The following PIP4K2A variants were observed in gnomAD, a reference collection of about 807,000 sequenced individuals.
The protein encoded by PIP4K2A is phosphatidylinositol 5-phosphate 4-kinase type-2 alpha.
Under a neutral mutation model 42.9 loss-of-function variants are expected in PIP4K2A, and 14 were observed. The observed-to-expected ratio is 0.33, with a 90% CI of 0.22 to 0.51. The LOEUF is 0.51. Among genes scored for constraint, PIP4K2A ranks in the 20% least tolerant of loss-of-function variants. PIP4K2A has a pLI of 0.97. For synonymous variants in PIP4K2A, 192 were observed against 192.2 expected (o/e 1.00, Z 0.01); for missense variants, 434 against 519.8 (o/e 0.83, Z 1.61).
At chr10:22,691,524 C>T (rs1564469099) in intron 1 of PIP4K2A, 1 of 152,100 alleles carries the variant, frequency 6.6e-6, no homozygotes. Flanking sequence ...AAATTTTATT[C>T]CTTACTTTTT....
intron 1 of PIP4K2A, among the ~76,000 whole-genome samples, chr10:22,631,370 A>G (rs1258847301): frequency 6.6e-6 from 1 of 152,064 alleles, no homozygotes; most frequent in Non-Finnish European, 1.5e-5. Context: ...TGTCCTTTTA[A>G]GTACAGACAC....
intron 1 of PIP4K2A, among the ~76,000 whole-genome samples, chr10:22,664,064 T>TATATATATATATACATATGTATATATAC (rs1564459754): frequency 1.3e-5 from 1 of 77,802 alleles, no homozygotes; most frequent in Admixed American, 1.3e-4. Flanking sequence ...TATATATACA[T>TATATATATATATACATATGTATATATAC]ATATATATAT....
At chr10:22,594,371 C>T (rs1249563897) in intron 3 of PIP4K2A, among the ~76,000 whole-genome samples, 4 of 152,130 alleles carry the variant, frequency 2.6e-5, no homozygotes, top group African/African-American at 7.2e-5. Context: ...ATACTATGTA[C>T]CAGTACCAGG....
intron 1 of PIP4K2A, among the ~76,000 whole-genome samples, chr10:22,666,829 T>C (rs1344690328): frequency 6.6e-6 from 1 of 152,202 alleles, no homozygotes; most frequent in African/African-American, 2.4e-5. Flanking sequence ...AGAAAGTTTT[T>C]AATAGTCCTA....
intron 1 of PIP4K2A, among the ~76,000 whole-genome samples, chr10:22,652,536 T>A (rs1312616133): frequency 6.6e-6 from 1 of 152,206 alleles, no homozygotes; most frequent in Non-Finnish European, 1.5e-5. Context: ...ACTGTAGTTA[T>A]AATAAATCTA....
At chr10:22,595,534 A>C (rs1280892275) in intron 3 of PIP4K2A, among the ~76,000 whole-genome samples, 1 of 152,156 alleles carries the variant, frequency 6.6e-6, no homozygotes, top group Non-Finnish European at 1.5e-5. Flanking sequence ...AGGTGGGCGG[A>C]TCACTTGAGG....
intron 1 of PIP4K2A, among the ~76,000 whole-genome samples, chr10:22,613,990 CAGA>C (rs1838113597): frequency 6.6e-6 from 1 of 152,180 alleles, no homozygotes; most frequent in Non-Finnish European, 1.5e-5. Flanking sequence ...CCAAGCAGCA[CAGA>C]AGAAATGCTG....
At chr10:22,588,854 G>C (rs1266396658) in intron 4 of PIP4K2A, among the ~76,000 whole-genome samples, 1 of 152,160 alleles carries the variant, frequency 6.6e-6, no homozygotes, top group Non-Finnish European at 1.5e-5. Context: ...GGATAAAGGA[G>C]ACTTTTCTGA....
chr10:22,700,286 T>C (rs545588203), intron 1 of PIP4K2A, among the ~76,000 whole-genome samples: 9 of 152,242 alleles, frequency 5.9e-5, no homozygotes, highest in Non-Finnish European at 1.0e-4. Flanking sequence ...ACCGATCTCA[T>C]ACAAGTGAAT....
chr10:22,638,698 G>T (rs575367507), intron 1 of PIP4K2A, among the ~76,000 whole-genome samples: 3 of 152,180 alleles, frequency 2.0e-5, no homozygotes, highest in East Asian at 1.9e-4. Flanking sequence ...TATTGTTATT[G>T]TATGTTTGAT....
At chr10:22,547,232 C>T (rs573031255) in intron 7 of PIP4K2A, among the ~76,000 whole-genome samples, 11 of 152,322 alleles carry the variant, frequency 7.2e-5, no homozygotes, top group Non-Finnish European at 1.2e-4. Context: ...CCCTGTTTAA[C>T]GGTTATATCT....
At chr10:22,670,783 A>C (rs114373740) in intron 1 of PIP4K2A, among the ~76,000 whole-genome samples, 2,263 of 152,304 alleles carry the variant, frequency 0.015, 51 homozygotes, top group African/African-American at 0.051. Context: ...CATTACAAAC[A>C]CTTGATTATC....
chr10:22,678,920 C>T (rs1839611852), intron 1 of PIP4K2A, among the ~76,000 whole-genome samples: 1 of 152,108 alleles, frequency 6.6e-6, no homozygotes, highest in Admixed American at 6.5e-5. Context: ...ATGTATTGTC[C>T]TTGAAGGATC....
chr10:22,635,862 C>G (rs1227694302), intron 1 of PIP4K2A, among the ~76,000 whole-genome samples: 1 of 152,104 alleles, frequency 6.6e-6, no homozygotes, highest in Non-Finnish European at 1.5e-5. Context: ...AGTGGTGAAG[C>G]CATTACCAAA....
chr10:22,606,187 T>C (rs1056434495), intron 3 of PIP4K2A, among the ~76,000 whole-genome samples: 3 of 150,774 alleles, frequency 2.0e-5, no homozygotes, highest in Admixed American at 1.3e-4. Flanking sequence ...GGTGCACACC[T>C]GTAGTCCTAG....
intron 4 of PIP4K2A, among the ~76,000 whole-genome samples, chr10:22,584,129 T>A (rs1837338700): frequency 6.6e-6 from 1 of 152,050 alleles, no homozygotes; most frequent in South Asian, 2.1e-4. Context: ...GACAACAAAT[T>A]CAGGCCCCCA....
Position 22,624,912 on chromosome 10 carries a change from A to T in PIP4K2A, c.145-15195T>A, listed in dbSNP as rs184104163. Reference sequence around the variant, plus strand: ...AGCACACTTAGTAACTTGGAAATAGAATATTCTAGTGTATTAGAAATCTTG... The same window carrying T: ...AGCACACTTAGTAACTTGGAAATAGTATATTCTAGTGTATTAGAAATCTTG... On this transcript the variant is annotated intron_variant, in intron 1 of 9. Coordinates refer to ENST00000376573, the MANE Select transcript of PIP4K2A (RefSeq NM_005028.5). Among the ~76,000 whole-genome samples, 64 of 152,368 alleles carry T rather than the reference A, an allele frequency of 4.2e-4. 1 individual carries two copies. The highest frequency in any genetic ancestry group is 8.5e-4 in the Admixed American group (13 of 15,306).
chr10:22,576,187 A>G (rs533959057), intron 4 of PIP4K2A, among the ~76,000 whole-genome samples: 1 of 152,322 alleles, frequency 6.6e-6, no homozygotes, highest in East Asian at 1.9e-4. Flanking sequence ...AGAGAAAATT[A>G]TACCTATTAA....
intron 1 of PIP4K2A, among the ~76,000 whole-genome samples, chr10:22,677,218 C>G (rs942591040): frequency 6.6e-6 from 1 of 152,044 alleles, no homozygotes; most frequent in Admixed American, 6.6e-5. Flanking sequence ...TGTGCTCATT[C>G]ACTGGGTGCA....
Sources: allele counts gnomAD v4.1 joint callset (sites outside exome capture counted in the v4.1 genomes callset), GRCh38; gene constraint gnomAD v4.1.1; transcripts MANE v1.5; gene names NCBI Gene and HGNC (gene_info 2026-07-23, HGNC 2026-07-21).